RTN1: variants seen among roughly 807,000 people sequenced by gnomAD.
RTN1 encodes reticulon 1, also known as reticulon-1.
A neutral mutation model predicts 65.5 loss-of-function variants in RTN1; 25 were observed. That is an observed-to-expected ratio of 0.38 (90% CI 0.28 to 0.53). The LOEUF (loss-of-function observed/expected upper bound fraction) is 0.53. RTN1 is among the 20% of genes least tolerant of loss of function. The pLI is 0.79. For synonymous variants in RTN1, 471 were observed against 447.6 expected (o/e 1.05, Z -0.66); for missense variants, 983 against 1,025.4 (o/e 0.96, Z 0.57).
intron 3 of RTN1, among the ~76,000 whole-genome samples, chr14:59,652,021 A>G (rs1305951216): frequency 1.3e-5 from 2 of 152,228 alleles, no homozygotes; most frequent in Non-Finnish European, 2.9e-5. Context: ...GGCAAAGGAC[A>G]TGAACAGATA....
Position 59,749,290 on chromosome 14 carries a change from A to ATATATATC in RTN1, c.242-2817_242-2810dup, listed in dbSNP as rs1566711385. ...TCTATATATATATCTATATATATCT[A>ATATATATC]TATATATCTATATATATCTATATAT... On this transcript the variant is annotated intron_variant, in intron 1 of 8. Transcript: ENST00000267484. 6.9e-5 allele frequency among the ~76,000 whole-genome samples: 3 copies of ATATATATC among 43,258 alleles called. 1 individual carries two copies. Among genetic ancestry groups the ATATATATC allele is most frequent in the Non-Finnish European group, 1.1e-4 (3 of 26,566 alleles). 28.4% of individuals were successfully genotyped at this position (43,258 alleles called of 152,430 possible).
intron 1 of RTN1, among the ~76,000 whole-genome samples, chr14:59,783,243 C>G (rs112450790): frequency 6.6e-6 from 1 of 152,280 alleles, no homozygotes; most frequent in South Asian, 2.1e-4. Context: ...CCAGTTTCCA[C>G]TGTATGTGCA....
At chr14:59,664,689 C>A (rs371549732) in intron 3 of RTN1, among the ~76,000 whole-genome samples, 2 of 151,998 alleles carry the variant, frequency 1.3e-5, no homozygotes, top group African/African-American at 4.8e-5. Context: ...ACAGTTTGTT[C>A]CTTTTTATTT....
At chr14:59,767,849 A>G (rs1885879862) in intron 1 of RTN1, among the ~76,000 whole-genome samples, 1 of 152,210 alleles carries the variant, frequency 6.6e-6, no homozygotes, top group Admixed American at 6.5e-5. Context: ...ACACTTGCAT[A>G]ACAGCCCTAG....
Position 59,870,711 on chromosome 14 carries a change from C to A in RTN1, c.-81G>T. The A allele has an allele frequency of 7.9e-7, 1 of 1,266,756 alleles. No individual in the cohort carries two copies. The highest frequency in any genetic ancestry group is 9.9e-7 in the Non-Finnish European group (1 of 1,007,730). 78.5% of individuals were successfully genotyped at this position (1,266,756 alleles called of 1,614,324 possible). A position where few individuals can be genotyped will look rare whatever the true frequency, so the allele number is the denominator to read the frequency against. ...CTGCGCGGGCGCTCCCTGCTGCTGTCCCCGGAGGGACTCGGCGCTCAGGGA... is the reference window on the plus strand; with the variant it reads ...CTGCGCGGGCGCTCCCTGCTGCTGTACCCGGAGGGACTCGGCGCTCAGGGA... On this transcript the variant is annotated 5_prime_UTR_variant, in exon 1 of 9. Coordinates refer to ENST00000267484, the MANE Select transcript of RTN1 (RefSeq NM_021136.3). This position sits in a 1 kb window ranked among gnomAD's most constrained non-coding sequence, Gnocchi z 5.1.
At chr14:59,708,634 A>G (rs1884351122) in intron 3 of RTN1, among the ~76,000 whole-genome samples, 1 of 152,260 alleles carries the variant, frequency 6.6e-6, no homozygotes, top group Non-Finnish European at 1.5e-5. Context: ...TTTGTAAGCC[A>G]TGCAAAGAAA....
intron 1 of RTN1, among the ~76,000 whole-genome samples, chr14:59,838,469 G>T (rs544866620): frequency 6.6e-6 from 1 of 152,000 alleles, no homozygotes; most frequent in Admixed American, 6.6e-5. Flanking sequence ...AAATCTGAAG[G>T]CTCAGTAATA....
chr14:59,636,600 C>A (rs931244008), intron 3 of RTN1, among the ~76,000 whole-genome samples: 3 of 152,094 alleles, frequency 2.0e-5, no homozygotes, highest in African/African-American at 7.2e-5. Flanking sequence ...TATATAGTGA[C>A]CTTGCTAAAT....
intron 1 of RTN1, among the ~76,000 whole-genome samples, chr14:59,793,636 C>CACCACACACACACACA (rs771792171): frequency 1.0e-4 from 15 of 144,308 alleles, no homozygotes; most frequent in African/African-American, 3.9e-4. Context: ...CAGGCACACA[C>CACCACACACACACACA]CACACACACA....
At chr14:59,699,568 A>C (rs1265401284) in intron 3 of RTN1, among the ~76,000 whole-genome samples, 2 of 152,186 alleles carry the variant, frequency 1.3e-5, no homozygotes, top group African/African-American at 4.8e-5. Context: ...AGCAATATTT[A>C]GAATGTAGCT....
At chr14:59,706,295 C>A (rs1294354318) in intron 3 of RTN1, among the ~76,000 whole-genome samples, 1 of 152,152 alleles carries the variant, frequency 6.6e-6, no homozygotes, top group Admixed American at 6.6e-5. Context: ...CACTAAAATC[C>A]CCTAAAAACC....
Position 59,661,687 on chromosome 14 carries a change from G to A in RTN1, c.1766-54195C>T, listed in dbSNP as rs566238703. Reference sequence around the variant, plus strand: ...TTCAATAGATGAAGAAAAGGCTTTCGATAAAATTCAACACCCCATTCATGC... The same window carrying A: ...TTCAATAGATGAAGAAAAGGCTTTCAATAAAATTCAACACCCCATTCATGC... On this transcript the variant is annotated intron_variant, in intron 3 of 8. Coordinates refer to ENST00000267484, the MANE Select transcript of RTN1 (RefSeq NM_021136.3). Among the ~76,000 whole-genome samples the A allele has an allele frequency of 9.9e-5, 15 of 152,216 alleles. No homozygotes were observed. The South Asian group carries it at 1.0e-3, about 11-fold the overall frequency.
chr14:59,841,028 C>T (rs1887302005), intron 1 of RTN1, among the ~76,000 whole-genome samples: 1 of 152,078 alleles, frequency 6.6e-6, no homozygotes, highest in Non-Finnish European at 1.5e-5. Context: ...AGCAGCTTAC[C>T]CTCTTTGGAT....
Position 59,825,947 on chromosome 14 carries a change from A to T in RTN1, c.241+44443T>A, listed in dbSNP as rs1887023784. 6.6e-6 allele frequency among the ~76,000 whole-genome samples: 1 copy of T among 152,214 alleles called. No homozygotes were observed. Among genetic ancestry groups the T allele is most frequent in the Non-Finnish European group, 1.5e-5 (1 of 68,034 alleles). Reference sequence around the variant, plus strand: ...CCATTCCCAGTACCCTAGTTCAGACATTTCATTCATTAGCATTGGCTTTCC... The same window carrying T: ...CCATTCCCAGTACCCTAGTTCAGACTTTTCATTCATTAGCATTGGCTTTCC... On this transcript the variant is annotated intron_variant, in intron 1 of 8. Coordinates refer to ENST00000267484, the MANE Select transcript of RTN1 (RefSeq NM_021136.3). The surrounding 1 kb of genome is among the most constrained non-coding windows in gnomAD (Gnocchi z 4.2).
intron 1 of RTN1, among the ~76,000 whole-genome samples, chr14:59,750,401 A>ATTC (rs1885467112): frequency 2.3e-5 from 1 of 43,942 alleles, no homozygotes; most frequent in African/African-American, 7.3e-5. Flanking sequence ...TCTATAATAT[A>ATTC]TATATTATAT....
intron 1 of RTN1, among the ~76,000 whole-genome samples, chr14:59,762,593 CTT>C (rs1181019107): frequency 6.6e-6 from 1 of 152,190 alleles, no homozygotes; most frequent in East Asian, 1.9e-4. Context: ...TTAAAGGAGA[CTT>C]AACGGTTTGT....
At chr14:59,629,617 G>C (rs1882489474) in intron 3 of RTN1, among the ~76,000 whole-genome samples, 1 of 152,188 alleles carries the variant, frequency 6.6e-6, no homozygotes, top group Non-Finnish European at 1.5e-5. Flanking sequence ...CTCATACTCT[G>C]TAACTGCAAG....
chr14:59,683,051 A>T (rs556885369), intron 3 of RTN1, among the ~76,000 whole-genome samples: 7 of 152,266 alleles, frequency 4.6e-5, no homozygotes, highest in Non-Finnish European at 1.0e-4. Flanking sequence ...TGATGTATGA[A>T]TCTGCCAATC....
At chr14:59,630,208 C>T (rs573835996) in intron 3 of RTN1, among the ~76,000 whole-genome samples, 1 of 104,944 alleles carries the variant, frequency 9.5e-6, no homozygotes, top group South Asian at 3.1e-4. Context: ...TTTAAAATAC[C>T]AGCATTACAA....
Sources: allele counts gnomAD v4.1 joint callset (sites outside exome capture counted in the v4.1 genomes callset), GRCh38; gene constraint gnomAD v4.1.1; non-coding constraint Gnocchi (gnomAD v3.1); transcripts MANE v1.5; gene names NCBI Gene and HGNC (gene_info 2026-07-23, HGNC 2026-07-21).